The following NCKAP5 variants were observed in gnomAD, a reference collection of about 807,000 sequenced individuals.
The protein encoded by NCKAP5 is NCK associated protein 5, also known as nck-associated protein 5.
In NCKAP5, 92 loss-of-function variants were observed where a neutral mutation model predicts 167.0. The observed-to-expected ratio is 0.55, with a 90% CI of 0.47 to 0.66. NCKAP5 has a LOEUF of 0.66. Among genes scored for constraint, NCKAP5 ranks in the 30% least tolerant of loss-of-function variants. The pLI, the probability that NCKAP5 is intolerant of heterozygous loss-of-function variation, is 0.00. For missense variants in NCKAP5, 2,378 were observed against 2,315.0 expected, an observed-to-expected ratio of 1.03 and a Z score of -0.56; for synonymous variants, 891 against 877.4, an observed-to-expected ratio of 1.02 and a Z score of -0.27.
chr2:133,283,507 A>G (rs191711184), intron 4 of NCKAP5, among the ~76,000 whole-genome samples: 1 of 152,236 alleles, frequency 6.6e-6, no homozygotes, highest in Admixed American at 6.5e-5. Context: ...TTAAATGGCT[A>G]TTTGATGTTA....
rs1316213164 is a variant in NCKAP5 at position 133,095,214 on chromosome 2, G to A, written c.341+34764C>T. 6.6e-5 allele frequency among the ~76,000 whole-genome samples: 10 copies of A among 152,166 alleles called. No homozygotes were observed. The South Asian group carries it at 1.7e-3, about 25-fold the overall frequency. ...AATTCCATATATCATCCTACAATTT[G>A]TTTTAATTCAATAGTAAGTCTTAGG... On this transcript the variant is annotated intron_variant, in intron 6 of 19. Coordinates refer to ENST00000409261, the MANE Select transcript of NCKAP5 (RefSeq NM_207363.3).
intron 8 of NCKAP5, among the ~76,000 whole-genome samples, chr2:132,909,023 C>T (rs968420252): frequency 4.6e-5 from 7 of 152,092 alleles, no homozygotes; most frequent in Non-Finnish European, 4.4e-5. Context: ...GGCAATCTCA[C>T]GGTAAGCAGT....
At chr2:133,254,209 C>T (rs1351393906) in intron 4 of NCKAP5, among the ~76,000 whole-genome samples, 3 of 152,176 alleles carry the variant, frequency 2.0e-5, no homozygotes, top group African/African-American at 4.8e-5. Flanking sequence ...GACACAATGC[C>T]AGCTCCAGGA....
At chr2:132,713,472 T>C (rs1689056089) in intron 19 of NCKAP5, among the ~76,000 whole-genome samples, 1 of 152,172 alleles carries the variant, frequency 6.6e-6, no homozygotes, top group Admixed American at 6.5e-5. Flanking sequence ...ACACATGCCT[T>C]CTCCAAGATG....
intron 2 of NCKAP5, among the ~76,000 whole-genome samples, chr2:133,552,013 A>G (rs1412968791): frequency 7.6e-6 from 1 of 131,508 alleles, no homozygotes; most frequent in Non-Finnish European, 1.6e-5. Context: ...ATCACTGGCC[A>G]TCAGGGAAAT....
chr2:132,737,012 T>C (rs1180634864), intron 16 of NCKAP5, among the ~76,000 whole-genome samples: 1 of 152,182 alleles, frequency 6.6e-6, no homozygotes, highest in African/African-American at 2.4e-5. Context: ...TCTCTCTGTC[T>C]CTCAAGGTAT....
At chr2:133,381,351 C>T (rs893825082) in intron 3 of NCKAP5, among the ~76,000 whole-genome samples, 4 of 152,296 alleles carry the variant, frequency 2.6e-5, no homozygotes, top group Middle Eastern at 3.4e-3. Context: ...ACATTTCTAA[C>T]GTCCCTATTT....
At chr2:132,752,282 C>A (rs974872441) in intron 16 of NCKAP5, among the ~76,000 whole-genome samples, 2 of 152,230 alleles carry the variant, frequency 1.3e-5, no homozygotes, top group Non-Finnish European at 2.9e-5. Context: ...GTGAGGGGAA[C>A]AAACATCTCT....
chr2:132,871,312 A>G lies in NCKAP5; in HGVS notation c.649-2338T>C, dbSNP rs545129557. 2.4e-4 allele frequency among the ~76,000 whole-genome samples: 35 copies of G among 145,748 alleles called. No individual in the cohort carries two copies. The East Asian group carries it at 5.8e-3, about 24-fold the overall frequency. ...ATATCATCTATTTTATTGTTGGCAA[A>G]TAAACAAAACAAAACAAAACAAAAC... On this transcript the variant is annotated intron_variant, in intron 9 of 19. Transcript: ENST00000409261.
intron 11 of NCKAP5, among the ~76,000 whole-genome samples, chr2:132,831,579 GGTTT>G (rs1219882934): frequency 6.6e-6 from 1 of 151,350 alleles, no homozygotes; most frequent in Non-Finnish European, 1.5e-5. Context: ...TTTTTCTTTT[GGTTT>G]GTTTGTCCTT....
intron 16 of NCKAP5, among the ~76,000 whole-genome samples, chr2:132,768,140 G>A: frequency 6.6e-6 from 1 of 152,140 alleles, no homozygotes; most frequent in East Asian, 1.9e-4. Flanking sequence ...CTTTTAAGTT[G>A]GTGGTAAATA....
chr2:133,605,762 T>C, the NCKAP5 span, among the ~76,000 whole-genome samples: 1 of 152,210 alleles, frequency 6.6e-6, no homozygotes, highest in Non-Finnish European at 1.5e-5. Context: ...GAAAAAACCC[T>C]AAAGAACCAA....
intron 8 of NCKAP5, among the ~76,000 whole-genome samples, chr2:132,894,327 A>G (rs544478634): frequency 3.5e-4 from 54 of 152,376 alleles, no homozygotes; most frequent in African/African-American, 1.2e-3. Context: ...ACTGAGTTTT[A>G]TATTCTGGGT....
chr2:132,780,298 C>T (rs550605686), intron 15 of NCKAP5, among the ~76,000 whole-genome samples: 2 of 152,102 alleles, frequency 1.3e-5, no homozygotes, highest in East Asian at 3.9e-4. Flanking sequence ...ACTGCAGGCG[C>T]CCACCACCAT....
chr2:132,892,128 A>G (rs928241410), intron 8 of NCKAP5, among the ~76,000 whole-genome samples: 1 of 152,134 alleles, frequency 6.6e-6, no homozygotes, highest in Admixed American at 6.5e-5. Context: ...GCCAACAGAA[A>G]TGTACCATGG....
At chr2:133,379,269 G>C (rs544851606) in intron 3 of NCKAP5, among the ~76,000 whole-genome samples, 1 of 152,098 alleles carries the variant, frequency 6.6e-6, no homozygotes, top group African/African-American at 2.4e-5. Flanking sequence ...AAATCCCGAC[G>C]TGCATACCTC....
chr2:133,429,792 T>G (rs756185468), intron 3 of NCKAP5, among the ~76,000 whole-genome samples: 13 of 152,140 alleles, frequency 8.5e-5, no homozygotes, highest in African/African-American at 2.9e-4. Flanking sequence ...ATACAGTGCA[T>G]GTATCTTTTT....
the NCKAP5 span, among the ~76,000 whole-genome samples, chr2:133,664,820 C>T: frequency 6.6e-6 from 1 of 152,092 alleles, no homozygotes; most frequent in Admixed American, 6.5e-5. Context: ...TTTTGTATTG[C>T]CACCTTCACC....
At chr2:132,740,526 G>A (rs1364047474) in intron 16 of NCKAP5, among the ~76,000 whole-genome samples, 1 of 152,100 alleles carries the variant, frequency 6.6e-6, no homozygotes, top group African/African-American at 2.4e-5. Context: ...TTACCCCATG[G>A]TTTTCTCCAA....
Sources: allele counts gnomAD v4.1 joint callset (sites outside exome capture counted in the v4.1 genomes callset), GRCh38; gene constraint gnomAD v4.1.1; transcripts MANE v1.5; gene names NCBI Gene and HGNC (gene_info 2026-07-23, HGNC 2026-07-21).